Variants in STPG2 observed in about 807,000 individuals in gnomAD.
The protein encoded by STPG2 is sperm-tail PG-rich repeat-containing protein 2.
In STPG2, 56 loss-of-function variants were observed where a neutral mutation model predicts 54.2. That is an observed-to-expected ratio of 1.03 (90% CI 0.83 to 1.29). The LOEUF (loss-of-function observed/expected upper bound fraction) is 1.29. Ranked by LOEUF, STPG2 falls within the 50% of genes most tolerant of loss-of-function variation. STPG2 has a pLI of 0.00. For synonymous variants in STPG2, 200 were observed against 181.8 expected, an observed-to-expected ratio of 1.10 and a Z score of -0.81; for missense variants, 596 against 544.9, an observed-to-expected ratio of 1.09 and a Z score of -0.93.
chr4:97,981,279 T>C lies in STPG2; in HGVS notation c.652A>G (p.Thr218Ala). The C allele has an allele frequency of 1.2e-6, 2 of 1,614,074 alleles. No individual in the cohort carries two copies. The highest frequency in any genetic ancestry group is 1.7e-6 in the Non-Finnish European group (2 of 1,179,972). ...PMKSITPAPG[T>A]YNEPRTALKS... is the part of the protein sequence containing the mutation. Reference sequence around the variant, plus strand: ...AGAGCAGTTCGAGGTTCATTATATGTGCCAGGAGCCGGGGTGATTGATTTC... The same window carrying C: ...AGAGCAGTTCGAGGTTCATTATATGCGCCAGGAGCCGGGGTGATTGATTTC... The change falls in exon 6 of 11, where the codon ACA (threonine) becomes GCA (alanine). Residue 218 changes from threonine to alanine, a missense_variant. Transcript: ENST00000295268.
intron 8 of STPG2, among the ~76,000 whole-genome samples, chr4:97,879,350 G>A (rs972706611): frequency 4.6e-5 from 7 of 152,126 alleles, no homozygotes; most frequent in Non-Finnish European, 1.0e-4. Context: ...TTTTGCTGCT[G>A]ATAAAGACAT....
chr4:97,776,823 T>A (rs1391342436), intron 9 of STPG2, among the ~76,000 whole-genome samples: 1 of 152,192 alleles, frequency 6.6e-6, no homozygotes, highest in South Asian at 2.1e-4. Flanking sequence ...AAAATGTTCT[T>A]TATTACTATT....
rs1486317519 is a variant in STPG2, at chr4:98,143,167, G to C, written c.-17C>G. ...ATCATACATAGTGCTCGGGGTGGTG[G>C]GGGCGCTGGGGAAGGGCAGGTGCCG... On this transcript the variant is annotated 5_prime_UTR_variant, in exon 1 of 11. Transcript: ENST00000295268. The C allele has an allele frequency of 5.6e-6, 9 of 1,601,234 alleles. No homozygotes were observed. The Admixed American group carries it at 6.7e-5, about 12-fold the overall frequency.
intron 10 of STPG2, among the ~76,000 whole-genome samples, chr4:97,671,094 G>C (rs61060566): frequency 0.018 from 2,700 of 152,196 alleles, 78 homozygotes; most frequent in African/African-American, 0.061. Flanking sequence ...CTTGACTACA[G>C]TTAATGACTG....
chr4:97,888,464 G>A (rs113412813), intron 8 of STPG2, among the ~76,000 whole-genome samples: 3,761 of 152,312 alleles, frequency 0.025, 101 homozygotes, highest in African/African-American at 0.072. Flanking sequence ...TTAAGATTCA[G>A]TGACTGTCCT....
At chr4:97,964,442 C>A (rs765266913) in intron 7 of STPG2, among the ~76,000 whole-genome samples, 1 of 152,084 alleles carries the variant, frequency 6.6e-6, no homozygotes, top group African/African-American at 2.4e-5. Context: ...ACACAAAACA[C>A]ACAGAGAATT....
intron 10 of STPG2, among the ~76,000 whole-genome samples, chr4:97,701,507 A>G (rs1428448665): frequency 6.6e-6 from 1 of 152,170 alleles, no homozygotes; most frequent in African/African-American, 2.4e-5. Flanking sequence ...TGGAAAAAAG[A>G]TTAACAGCAT....
intron 10 of STPG2, among the ~76,000 whole-genome samples, chr4:97,619,816 C>T (rs1175127178): frequency 7.0e-6 from 1 of 143,106 alleles, no homozygotes; most frequent in South Asian, 2.1e-4. Flanking sequence ...ATTATAATTT[C>T]TTTTTCTATT....
intron 5 of STPG2, among the ~76,000 whole-genome samples, chr4:98,005,841 T>A (rs1735562063): frequency 6.6e-6 from 1 of 152,200 alleles, no homozygotes; most frequent in South Asian, 2.1e-4. Context: ...TTTTTTATAG[T>A]GTCCTTGTCT....
chr4:98,130,794 T>G (rs1255773776), intron 2 of STPG2, among the ~76,000 whole-genome samples: 1 of 151,364 alleles, frequency 6.6e-6, no homozygotes, highest in South Asian at 2.1e-4. Context: ...TGGTGGCGGG[T>G]GCCTGTAGTC....
chr4:97,552,435 G>T (rs1369146327), intron 4 of STPG2, among the ~76,000 whole-genome samples: 1 of 151,948 alleles, frequency 6.6e-6, no homozygotes, highest in African/African-American at 2.4e-5. Flanking sequence ...TAGCTAATTG[G>T]TGCTCACTTC....
intron 5 of STPG2, among the ~76,000 whole-genome samples, chr4:98,083,187 C>T (rs1164335091): frequency 6.6e-6 from 1 of 152,068 alleles, no homozygotes; most frequent in African/African-American, 2.4e-5. Flanking sequence ...TAATCAGTCC[C>T]ATCTCAGAAA....
intron 8 of STPG2, among the ~76,000 whole-genome samples, chr4:97,862,647 T>G (rs978244866): frequency 1.3e-5 from 2 of 152,156 alleles, no homozygotes; most frequent in African/African-American, 4.8e-5. Flanking sequence ...ATATACATTC[T>G]TCTCAGCACC....
chr4:98,109,160 T>C, intron 4 of STPG2, 33 bp downstream of exon 4: 2 of 1,278,376 alleles, frequency 1.6e-6, no homozygotes, highest in Non-Finnish European at 2.2e-6. Flanking sequence ...AGTCAAGAGC[T>C]ACATTAAAGG....
intron 8 of STPG2, among the ~76,000 whole-genome samples, chr4:97,943,528 T>C (rs995773036): frequency 8.9e-6 from 1 of 112,576 alleles, no homozygotes. Flanking sequence ...TCGGGAGTCT[T>C]AGATTTCAAG....
At chr4:97,516,764 G>A (rs1213811214) in intron 4 of STPG2, among the ~76,000 whole-genome samples, 1 of 151,676 alleles carries the variant, frequency 6.6e-6, no homozygotes, top group South Asian at 2.1e-4. Flanking sequence ...GGAGTTGGAG[G>A]CTGCAGTGAG....
At chr4:98,046,652 GT>G (rs1222660290) in intron 5 of STPG2, among the ~76,000 whole-genome samples, 2 of 152,182 alleles carry the variant, frequency 1.3e-5, no homozygotes, top group African/African-American at 4.8e-5. Flanking sequence ...AAGTTGAGGA[GT>G]TAGACATGTG....
At chr4:97,563,651 T>C (rs941763895) in intron 10 of STPG2, among the ~76,000 whole-genome samples, 1 of 152,210 alleles carries the variant, frequency 6.6e-6, no homozygotes, top group African/African-American at 2.4e-5. Context: ...TTTGTTTTCA[T>C]TAGTTTCAAA....
intron 10 of STPG2, among the ~76,000 whole-genome samples, chr4:97,702,880 A>G (rs1181146398): frequency 6.6e-6 from 1 of 152,090 alleles, no homozygotes; most frequent in Non-Finnish European, 1.5e-5. Flanking sequence ...GCATGATAAG[A>G]GCTTGTGTCT....
Sources: gnomAD v4.1 joint callset for allele counts (sites outside exome capture counted in the v4.1 genomes callset) on GRCh38, gnomAD v4.1.1 for gene constraint, MANE v1.5 for transcripts, NCBI Gene and HGNC (gene_info 2026-07-23, HGNC 2026-07-21) for gene names.